Variants in PCSK5 observed in about 807,000 individuals in gnomAD.
PCSK5 encodes the protein prohormone convertase 5.
PCSK5 carries 129 observed loss-of-function variants against 233.2 expected under a neutral mutation model. That is an observed-to-expected ratio of 0.55 (90% CI 0.48 to 0.64). PCSK5 has a LOEUF of 0.64. Among genes scored for constraint, PCSK5 ranks in the 30% least tolerant of loss-of-function variants. PCSK5 has a pLI of 0.00. For missense variants in PCSK5, 2,076 were observed against 2,430.1 expected, an observed-to-expected ratio of 0.85 and a Z score of 3.06; for synonymous variants, 825 against 879.2, an observed-to-expected ratio of 0.94 and a Z score of 1.09.
chr9:75,963,264 C>T (rs1347754714), intron 2 of PCSK5, among the ~76,000 whole-genome samples: 1 of 152,192 alleles, frequency 6.6e-6, no homozygotes, highest in African/African-American at 2.4e-5. Context: ...ATAATCTTGG[C>T]TCTTCTGGGC....
intron 2 of PCSK5, among the ~76,000 whole-genome samples, chr9:75,975,117 G>A (rs983323070): frequency 2.6e-5 from 4 of 151,970 alleles, no homozygotes; most frequent in African/African-American, 4.8e-5. Flanking sequence ...AAGAGAAAGC[G>A]CAAAATGGAT....
intron 3 of PCSK5, among the ~76,000 whole-genome samples, chr9:75,995,495 TG>T (rs1201089099): frequency 2.0e-5 from 3 of 152,214 alleles, no homozygotes; most frequent in Non-Finnish European, 4.4e-5. Context: ...TATGATTTTT[TG>T]GTATGTTTTG....
chr9:76,002,263 C>A (rs180894662), intron 3 of PCSK5, among the ~76,000 whole-genome samples: 8 of 152,236 alleles, frequency 5.3e-5, no homozygotes, highest in African/African-American at 1.9e-4. Flanking sequence ...TACTGTGAGA[C>A]CCTTGCAAAT....
chr9:75,993,831 G>A (rs1352075850), intron 3 of PCSK5, among the ~76,000 whole-genome samples: 4 of 152,196 alleles, frequency 2.6e-5, no homozygotes, highest in Non-Finnish European at 2.9e-5. Flanking sequence ...GACCACACAC[G>A]TGAAATGTTA....
intron 14 of PCSK5, among the ~76,000 whole-genome samples, chr9:76,179,058 T>A (rs1242534845): frequency 6.6e-6 from 1 of 152,216 alleles, no homozygotes; most frequent in Non-Finnish European, 1.5e-5. Context: ...TTTAAATCTA[T>A]TATCTGTGTC....
chr9:76,156,246 G>A (rs1822574964), intron 10 of PCSK5, among the ~76,000 whole-genome samples: 2 of 152,138 alleles, frequency 1.3e-5, no homozygotes, highest in African/African-American at 2.4e-5. Context: ...ATATATTACT[G>A]TATCAGTCAA....
chr9:76,003,556 G>C (rs1827349304), intron 3 of PCSK5, among the ~76,000 whole-genome samples: 1 of 152,162 alleles, frequency 6.6e-6, no homozygotes, highest in African/African-American at 2.4e-5. Flanking sequence ...CACATGGAAT[G>C]TTTTCTCTGA....
At chr9:75,905,506 C>A (rs1429886170) in intron 1 of PCSK5, among the ~76,000 whole-genome samples, 1 of 152,210 alleles carries the variant, frequency 6.6e-6, no homozygotes, top group East Asian at 1.9e-4. Context: ...GACAGCAAGA[C>A]ACTGTCTCAA....
intron 10 of PCSK5, among the ~76,000 whole-genome samples, chr9:76,148,701 GCTTCTTC>G (rs371577761): frequency 3.9e-5 from 6 of 152,098 alleles, no homozygotes; most frequent in African/African-American, 1.4e-4. Flanking sequence ...AAACTCCATT[GCTTCTTC>G]CTTACCTGAT....
At chr9:76,139,263 T>C (rs1823102212) in intron 10 of PCSK5, among the ~76,000 whole-genome samples, 1 of 152,098 alleles carries the variant, frequency 6.6e-6, no homozygotes. Context: ...TGCTTTTGAG[T>C]TGTGTTTTGA....
chr9:76,116,288 C>T (rs1832421055), intron 9 of PCSK5, among the ~76,000 whole-genome samples: 1 of 152,042 alleles, frequency 6.6e-6, no homozygotes, highest in Non-Finnish European at 1.5e-5. Flanking sequence ...AAAAGAAAGA[C>T]ATTGGATGTT....
intron 9 of PCSK5, among the ~76,000 whole-genome samples, chr9:76,125,304 A>C (rs1401573574): frequency 6.6e-6 from 1 of 152,052 alleles, no homozygotes; most frequent in Non-Finnish European, 1.5e-5. Flanking sequence ...CCTTCTGACA[A>C]AACTAGAGGC....
intron 24 of PCSK5, among the ~76,000 whole-genome samples, chr9:76,243,833 T>C (rs919943230): frequency 1.3e-5 from 2 of 152,342 alleles, no homozygotes; most frequent in Non-Finnish European, 2.9e-5. Context: ...CAGAGATGAA[T>C]GGCTTAGGAT....
Position 75,997,452 on chromosome 9 carries a change from G to A in PCSK5, c.411+11207G>A, listed in dbSNP as rs147066095. ...CATGCACATCAATATGATTTTTCCAGTTTCTCCAATGTAAGGAGATCCTTG... is the reference window on the plus strand; with the variant it reads ...CATGCACATCAATATGATTTTTCCAATTTCTCCAATGTAAGGAGATCCTTG... On this transcript the variant is annotated intron_variant, in intron 3 of 37. Transcript: ENST00000674117. Among the ~76,000 whole-genome samples the A allele has an allele frequency of 2.9e-3, 448 of 152,282 alleles. 5 individuals carry two copies. Among genetic ancestry groups the A allele is most frequent in the African/African-American group, 0.01 (427 of 41,562 alleles).
At chr9:76,040,681 T>A (rs934203160) in intron 5 of PCSK5, among the ~76,000 whole-genome samples, 7 of 152,130 alleles carry the variant, frequency 4.6e-5, no homozygotes, top group African/African-American at 1.7e-4. Context: ...GTTCCTTGTA[T>A]CATAATACAC....
intron 12 of PCSK5, among the ~76,000 whole-genome samples, chr9:76,160,850 T>G (rs1358445027): frequency 6.6e-6 from 1 of 152,026 alleles, no homozygotes; most frequent in Admixed American, 6.6e-5. Context: ...CTCGGCTCAC[T>G]GCATCCTCCA....
At chr9:75,981,107 G>A (rs1190828797) in intron 2 of PCSK5, among the ~76,000 whole-genome samples, 6 of 152,136 alleles carry the variant, frequency 3.9e-5, no homozygotes, top group Non-Finnish European at 8.8e-5. Flanking sequence ...AAATCATAGA[G>A]TAACATATGA....
intron 24 of PCSK5, among the ~76,000 whole-genome samples, chr9:76,246,646 C>G (rs1255119901): frequency 6.6e-6 from 1 of 152,198 alleles, no homozygotes; most frequent in Non-Finnish European, 1.5e-5. Flanking sequence ...TGTGGTGTTA[C>G]TTGTGGTAGT....
intron 3 of PCSK5, among the ~76,000 whole-genome samples, chr9:76,004,303 A>C (rs1827386856): frequency 3.3e-5 from 5 of 152,080 alleles, no homozygotes; most frequent in Admixed American, 3.3e-4. Flanking sequence ...TTAGCATAAA[A>C]TCTACCTAGG....
Sources: allele counts gnomAD v4.1 joint callset (sites outside exome capture counted in the v4.1 genomes callset), GRCh38; gene constraint gnomAD v4.1.1; transcripts MANE v1.5; gene names NCBI Gene and HGNC (gene_info 2026-07-23, HGNC 2026-07-21).